CSMD3: variants seen among roughly 807,000 people sequenced by gnomAD.
CSMD3 encodes the protein CUB and sushi domain-containing protein 3.
Under a neutral mutation model 435.2 loss-of-function variants are expected in CSMD3, and 177 were observed. The observed-to-expected ratio is 0.41, with a 90% CI of 0.36 to 0.46. The LOEUF is 0.46. CSMD3 is among the 20% of genes least tolerant of loss of function. The probability of loss-of-function intolerance (pLI) is 0.34; values close to 1 mark genes in which losing one functional copy is unlikely to be tolerated. For synonymous variants in CSMD3, 1,656 were observed against 1,520.5 expected (o/e 1.09, Z -2.07); for missense variants, 4,265 against 4,504.6 (o/e 0.95, Z 1.52).
At chr8:112,819,152 G>A (rs1005714879) in intron 12 of CSMD3, among the ~76,000 whole-genome samples, 2 of 152,144 alleles carry the variant, frequency 1.3e-5, no homozygotes, top group African/African-American at 4.8e-5. Flanking sequence ...GCAATGAAAG[G>A]CTGTTTGCAG....
chr8:112,291,528 G>A lies in CSMD3; in HGVS notation c.8956C>T (p.Pro2986Ser). The change falls in exon 56 of 71, where the codon CCT becomes TCT. Residue 2986 changes from proline to serine, a missense_variant. Physicochemically the swap from Pro to Ser is moderately conservative, Grantham distance 74 (BLOSUM62 -1). Coordinates refer to ENST00000297405, the MANE Select transcript of CSMD3 (RefSeq NM_198123.2). ...TACTTACTGATACATTCTGGTAAAG[G>A]TTTGTCCCATTGTCCATTTGGTTGA... ...ICQPNGQWDK[P>S]LPECIMIDCG... 1 of 1,607,912 alleles carries A rather than the reference G, an allele frequency of 6.2e-7. No homozygotes were observed. The highest frequency in any genetic ancestry group is 8.5e-7 in the Non-Finnish European group (1 of 1,175,104).
At chr8:112,344,505 T>G (rs1450732687) in intron 41 of CSMD3, among the ~76,000 whole-genome samples, 1 of 152,196 alleles carries the variant, frequency 6.6e-6, no homozygotes, top group East Asian at 1.9e-4. Context: ...ACTCTGAGGT[T>G]GTAGATGCTT....
intron 13 of CSMD3, among the ~76,000 whole-genome samples, chr8:112,772,508 T>G (rs1295828398): frequency 6.6e-6 from 1 of 152,070 alleles, no homozygotes; most frequent in Non-Finnish European, 1.5e-5. Context: ...AGCCAGGTAT[T>G]GTCCAAGGTT....
rs189134141 is a variant in CSMD3 at position 112,545,272 on chromosome 8, A to G, written c.4564+5399T>C. On this transcript the variant is annotated intron_variant, in intron 27 of 70. Coordinates refer to ENST00000297405, the MANE Select transcript of CSMD3 (RefSeq NM_198123.2). Reference sequence around the variant, plus strand: ...GCTGAGGCGGGCGGATCACAAGGTCAGGAGATCGAGACCATCTTGGCTAAC... The same window carrying G: ...GCTGAGGCGGGCGGATCACAAGGTCGGGAGATCGAGACCATCTTGGCTAAC... Among the ~76,000 whole-genome samples, 701 of 152,096 alleles carry G rather than the reference A, an allele frequency of 4.6e-3. 3 individuals are homozygous for G. Among genetic ancestry groups the G allele is most frequent in the African/African-American group, 0.016 (663 of 41,512 alleles).
At chr8:112,549,544 T>G (rs936169436) in intron 27 of CSMD3, among the ~76,000 whole-genome samples, 1 of 152,180 alleles carries the variant, frequency 6.6e-6, no homozygotes, top group South Asian at 2.1e-4. Flanking sequence ...AACTGTATAA[T>G]TGTTTACTTA....
chr8:112,970,375 GAC>G (rs1457979142), intron 7 of CSMD3, among the ~76,000 whole-genome samples: 1 of 128,854 alleles, frequency 7.8e-6, no homozygotes, highest in Non-Finnish European at 1.6e-5. Context: ...CAGCTTGGGT[GAC>G]AGAGCTAGAC....
chr8:112,771,433 G>A (rs2078111751), intron 13 of CSMD3, among the ~76,000 whole-genome samples: 1 of 152,000 alleles, frequency 6.6e-6, no homozygotes, highest in South Asian at 2.1e-4. Context: ...CAGCTACTTG[G>A]GAGGCTGAGG....
intron 22 of CSMD3, among the ~76,000 whole-genome samples, chr8:112,612,902 TTA>T (rs113569863): frequency 0.55 from 81,987 of 149,088 alleles, 22,990 homozygotes; most frequent in African/African-American, 0.67. Flanking sequence ...ATTATTATTA[TTA>T]TTTTTTTTTT....
chr8:112,807,314 G>A (rs1251928274), intron 12 of CSMD3, among the ~76,000 whole-genome samples: 1 of 152,136 alleles, frequency 6.6e-6, no homozygotes, highest in Non-Finnish European at 1.5e-5. Flanking sequence ...TTTTAGCAAT[G>A]ACAATTTAAT....
intron 28 of CSMD3, among the ~76,000 whole-genome samples, chr8:112,512,135 A>T (rs1193779902): frequency 6.6e-6 from 1 of 152,148 alleles, no homozygotes; most frequent in Non-Finnish European, 1.5e-5. Context: ...CAAACTCCTG[A>T]TAATATTGAT....
At chr8:112,730,703 G>A (rs1319087879) in intron 13 of CSMD3, among the ~76,000 whole-genome samples, 2 of 152,064 alleles carry the variant, frequency 1.3e-5, no homozygotes, top group Non-Finnish European at 1.5e-5. Context: ...CAACCTGACT[G>A]TGTACCTGCT....
chr8:112,317,948 C>T (rs1822625296), intron 47 of CSMD3, among the ~76,000 whole-genome samples: 1 of 152,016 alleles, frequency 6.6e-6, no homozygotes, highest in African/African-American at 2.4e-5. Flanking sequence ...CAATTGTATT[C>T]AACTTAATCA....
chr8:112,909,027 C>CT (rs950896809), intron 10 of CSMD3, among the ~76,000 whole-genome samples: 90 of 150,112 alleles, frequency 6.0e-4, no homozygotes, highest in Middle Eastern at 3.5e-3. Flanking sequence ...GTTTTCTTGT[C>CT]TTTTTTTTTC....
intron 3 of CSMD3, among the ~76,000 whole-genome samples, chr8:113,277,777 T>A (rs1004996494): frequency 1.3e-5 from 2 of 151,994 alleles, no homozygotes; most frequent in African/African-American, 4.8e-5. Flanking sequence ...GGAAATTTTA[T>A]TGTCAAATCA....
At chr8:113,157,773 CA>C (rs2091961700) in intron 4 of CSMD3, among the ~76,000 whole-genome samples, 1 of 152,090 alleles carries the variant, frequency 6.6e-6, no homozygotes, top group Admixed American at 6.6e-5. Flanking sequence ...GAATACATAA[CA>C]TCCTTATGCT....
At chr8:112,724,082 T>C (rs1358055497) in intron 13 of CSMD3, among the ~76,000 whole-genome samples, 2 of 151,878 alleles carry the variant, frequency 1.3e-5, no homozygotes, top group African/African-American at 4.8e-5. Context: ...TAATAAGTGC[T>C]ATGGATGAAA....
chr8:112,691,056 T>A (rs1409188175), intron 13 of CSMD3, among the ~76,000 whole-genome samples: 2 of 152,146 alleles, frequency 1.3e-5, no homozygotes, highest in Non-Finnish European at 2.9e-5. Flanking sequence ...ATATGTAACA[T>A]TATAGAAACC....
At chr8:112,632,830 G>A (rs2074554004) in intron 22 of CSMD3, among the ~76,000 whole-genome samples, 1 of 151,574 alleles carries the variant, frequency 6.6e-6, no homozygotes, top group African/African-American at 2.4e-5. Flanking sequence ...ATTTATATTT[G>A]TTTTATTTTA....
chr8:113,144,723 G>C (rs758692580), intron 4 of CSMD3, among the ~76,000 whole-genome samples: 73 of 151,342 alleles, frequency 4.8e-4, no homozygotes, highest in Non-Finnish European at 9.5e-4. Context: ...ATATTAAGGC[G>C]CAATATATAT....
Sources: allele counts gnomAD v4.1 joint callset (sites outside exome capture counted in the v4.1 genomes callset), GRCh38; gene constraint gnomAD v4.1.1; transcripts MANE v1.5; gene names NCBI Gene and HGNC (gene_info 2026-07-23, HGNC 2026-07-21).